Variants in NQO1 observed in about 807,000 individuals in gnomAD.
The protein encoded by NQO1 is NAD(P)H dehydrogenase [quinone] 1.
Under a neutral mutation model 32.1 loss-of-function variants are expected in NQO1, and 30 were observed. The ratio of observed to expected loss-of-function variants is 0.94; its 90% confidence interval spans 0.70 to 1.27. The LOEUF (loss-of-function observed/expected upper bound fraction) is 1.27, where lower values mean the gene tolerates loss of function less well. Ranked by LOEUF, NQO1 falls within the 50% of genes most tolerant of loss-of-function variation. The pLI is 0.00. For missense variants in NQO1, 276 were observed against 331.3 expected (o/e 0.83, Z 1.30); for synonymous variants, 109 against 119.7 (o/e 0.91, Z 0.59).
Position 69,709,688 on chromosome 16 carries a change from A to C in NQO1, c.*1288T>G, listed in dbSNP as rs773690927. 3.0e-5 allele frequency: 12 copies of C among 397,810 alleles called. No homozygotes were observed. The highest frequency in any genetic ancestry group is 5.3e-5 in the Non-Finnish European group (12 of 225,724). The allele number at this position is 397,810 out of a possible 1,614,324, so 24.6% of individuals were successfully genotyped here. On this transcript the variant is annotated 3_prime_UTR_variant, in exon 6 of 6. Transcript: ENST00000320623. ...TCATCTCTTCTTTCAATGCACCACA[A>C]GAGGGCAGTGTTTTATCATATTCTC...
chr16:69,724,716 A>G (rs941815987), intron 1 of NQO1, among the ~76,000 whole-genome samples: 1 of 152,184 alleles, frequency 6.6e-6, no homozygotes, highest in Admixed American at 6.6e-5. Context: ...GAAAAAAAGA[A>G]GTATGATAAA....
At chr16:69,721,043 A>AT (rs373230600) in intron 1 of NQO1, among the ~76,000 whole-genome samples, 31,649 of 137,326 alleles carry the variant, frequency 0.23, 4,072 homozygotes, top group East Asian at 0.47. Flanking sequence ...ACCACACCTA[A>AT]TTTTTTTTTT....
rs200803156 is a variant in NQO1 at position 69,718,486 on chromosome 16, T to C, written c.56A>G (p.Asn19Ser). ...TGCAGCAGCCTCCTTCATGGCATAG[T>C]TGAAGGACGTCCTCTCTGAGTGAGC... ...VLAHSERTSFNYAMKEAAAAA... is the reference protein window; with the variant it reads ...VLAHSERTSFSYAMKEAAAAA... The change falls in exon 2 of 6, where the codon AAC becomes AGC. Residue 19 changes from asparagine to serine, a missense_variant. By Grantham distance (46) the Asn-to-Ser change is conservative. Coordinates refer to ENST00000320623, the MANE Select transcript of NQO1 (RefSeq NM_000903.3). 1 of 1,614,184 alleles carries C rather than the reference T, an allele frequency of 6.2e-7. No homozygotes were observed. Among genetic ancestry groups the C allele is most frequent in the Non-Finnish European group, 8.5e-7 (1 of 1,180,036 alleles).
In NQO1 at chr16:69,710,805, T is replaced by A. The variant is rs1487627529; in HGVS notation, c.*171A>T. ...TGGTTATATGCCATGATAGTAATCA[T>A]AAGAATCAGTTAAAAATGATCCAAA... is the stretch of plus-strand genomic sequence containing the variant. On this transcript the variant is annotated 3_prime_UTR_variant, in exon 6 of 6. Coordinates refer to ENST00000320623, the MANE Select transcript of NQO1 (RefSeq NM_000903.3). 1.3e-6 allele frequency: 1 copy of A among 752,276 alleles called. No homozygotes were observed. The highest frequency in any genetic ancestry group is 2.1e-6 in the Non-Finnish European group (1 of 481,152). The allele number at this position is 752,276 out of a possible 1,614,324, so 46.6% of individuals were successfully genotyped here.
At chr16:69,720,842 T>TA (rs1222397941) in intron 1 of NQO1, among the ~76,000 whole-genome samples, 1 of 151,974 alleles carries the variant, frequency 6.6e-6, no homozygotes, top group East Asian at 1.9e-4. Flanking sequence ...AGTGGATCCT[T>TA]AGTGCTAGGC....
intron 1 of NQO1, among the ~76,000 whole-genome samples, chr16:69,723,492 A>G (rs528580054): frequency 5.3e-5 from 8 of 152,266 alleles, no homozygotes; most frequent in African/African-American, 1.9e-4. Flanking sequence ...AACTCAAAAG[A>G]AAAATGATCA....
At chr16:69,712,979 T>C (rs759779689) in intron 5 of NQO1, 49 bp downstream of exon 5, 1 of 1,479,084 alleles carries the variant, frequency 6.8e-7, no homozygotes, top group Non-Finnish European at 9.4e-7. Flanking sequence ...GATGACAGAG[T>C]GAGACTCCGT....
At chr16:69,719,101 A>T (rs1334718229) in intron 1 of NQO1, among the ~76,000 whole-genome samples, 2 of 152,028 alleles carry the variant, frequency 1.3e-5, no homozygotes, top group Non-Finnish European at 2.9e-5. Flanking sequence ...ACATTTACCC[A>T]TTCGTTTACA....
At chr16:69,711,602 G>C (rs1203766947) in intron 5 of NQO1, among the ~76,000 whole-genome samples, 1 of 151,836 alleles carries the variant, frequency 6.6e-6, no homozygotes, top group Non-Finnish European at 1.5e-5. Context: ...GACCTGCGTG[G>C]GTGCATTTCT....
intron 1 of NQO1, among the ~76,000 whole-genome samples, chr16:69,723,653 T>C (rs2038222680): frequency 6.6e-6 from 1 of 151,078 alleles, no homozygotes; most frequent in African/African-American, 2.4e-5. Context: ...CAAAAAAAAA[T>C]TAACCAGGTG....
intron 1 of NQO1, among the ~76,000 whole-genome samples, chr16:69,721,371 G>T (rs1436322583): frequency 6.6e-6 from 1 of 152,108 alleles, no homozygotes; most frequent in Admixed American, 6.6e-5. Flanking sequence ...GCCCAGCACG[G>T]GGCTCACCTG....
chr16:69,713,617 C>CA (rs1754018766), intron 4 of NQO1, among the ~76,000 whole-genome samples: 2 of 152,156 alleles, frequency 1.3e-5, no homozygotes, highest in South Asian at 4.1e-4. Flanking sequence ...ATCTATCACT[C>CA]ACCTTCACCT....
chr16:69,717,101 GAGAGAAAA>G (rs1472890693), intron 3 of NQO1, among the ~76,000 whole-genome samples: 2 of 149,518 alleles, frequency 1.3e-5, no homozygotes, highest in African/African-American at 5.0e-5. Context: ...AAGAGAGAGA[GAGAGAAAA>G]AAAAAACACA....
chr16:69,715,723 G>A (rs940193967), intron 3 of NQO1, among the ~76,000 whole-genome samples: 2 of 152,196 alleles, frequency 1.3e-5, no homozygotes, highest in African/African-American at 4.8e-5. Context: ...AGCCGAGATC[G>A]TGCCACTGCA....
In NQO1 at chr16:69,715,043, A is replaced by G. The variant is rs554822773; in HGVS notation, c.338T>C (p.Leu113Pro). The G allele has an allele frequency of 3.3e-5, 53 of 1,613,706 alleles. No homozygotes were observed. The South Asian group carries it at 5.5e-4, about 17-fold the overall frequency. Residue 113 changes from leucine to proline, a missense_variant, in exon 4 of 6, where the codon CTG becomes CCG. Transcript: ENST00000320623. ...PLQWFGVPAI[L>P]KGWFERVFIG... ...GAACACTCGCTCAAACCAGCCTTTCAGAATGGCAGGGACTCCAAACCACTG... is the reference window on the plus strand; with the variant it reads ...GAACACTCGCTCAAACCAGCCTTTCGGAATGGCAGGGACTCCAAACCACTG...
At chr16:69,719,227 G>A (rs1241339310) in intron 1 of NQO1, among the ~76,000 whole-genome samples, 2 of 152,156 alleles carry the variant, frequency 1.3e-5, no homozygotes, top group Non-Finnish European at 2.9e-5. Context: ...TACTGGTGGG[G>A]ATAAGAACTG....
chr16:69,726,158 G>C (rs1830845060), intron 1 of NQO1, among the ~76,000 whole-genome samples: 2 of 152,200 alleles, frequency 1.3e-5, no homozygotes, highest in Admixed American at 1.3e-4. Flanking sequence ...TCTGACCACA[G>C]TTTTGGAGGG....
At chr16:69,714,891 C>T in intron 4 of NQO1, 73 bp downstream of exon 4, 1 of 1,078,278 alleles carries the variant, frequency 9.3e-7, no homozygotes, top group East Asian at 2.4e-5. Context: ...AACAAACAAA[C>T]AAACAAACAC....
chr16:69,724,381 G>A (rs931163747), intron 1 of NQO1, among the ~76,000 whole-genome samples: 1 of 151,948 alleles, frequency 6.6e-6, no homozygotes, highest in Admixed American at 6.6e-5. Context: ...GCCCTCAGAG[G>A]AGCTTGCCAT....
Sources: allele counts gnomAD v4.1 joint callset (sites outside exome capture counted in the v4.1 genomes callset), GRCh38; gene constraint gnomAD v4.1.1; transcripts MANE v1.5; gene names NCBI Gene and HGNC (gene_info 2026-07-23, HGNC 2026-07-21).